MAK: variants seen among roughly 807,000 people sequenced by gnomAD.
MAK encodes male germ cell associated kinase.
Under a neutral mutation model 82.6 loss-of-function variants are expected in MAK, and 65 were observed. The ratio of observed to expected loss-of-function variants is 0.79; its 90% confidence interval spans 0.64 to 0.97. The LOEUF is 0.97. Ranked by LOEUF, MAK falls within the 50% of genes least tolerant of loss-of-function variation. The pLI, the probability that MAK is intolerant of heterozygous loss-of-function variation, is 0.00. For missense variants in MAK, 703 were observed against 780.2 expected (o/e 0.90, Z 1.18); for synonymous variants, 250 against 274.2 (o/e 0.91, Z 0.87).
At chr6:10,811,374 C>T (rs951855282) in intron 5 of MAK, among the ~76,000 whole-genome samples, 5 of 152,266 alleles carry the variant, frequency 3.3e-5, no homozygotes, top group South Asian at 2.1e-4. Context: ...ATGTGGCTTT[C>T]GTAAAAACGT....
chr6:10,775,176 G>T, intron 12 of MAK, 152 bp downstream of exon 12: 1 of 824,628 alleles, frequency 1.2e-6, no homozygotes, highest in Non-Finnish European at 2.0e-6. Context: ...CTCCAGCAGA[G>T]CAGGGCTACC....
At chr6:10,775,989 A>G (rs1296025221) in intron 11 of MAK, among the ~76,000 whole-genome samples, 1 of 152,070 alleles carries the variant, frequency 6.6e-6, no homozygotes, top group Non-Finnish European at 1.5e-5. Context: ...GGATTTCACC[A>G]TGTTGGCCAG....
chr6:10,836,615 T>C (rs1268602486), intron 1 of MAK, among the ~76,000 whole-genome samples: 3 of 152,210 alleles, frequency 2.0e-5, no homozygotes, highest in East Asian at 1.9e-4. Flanking sequence ...CGCACAATAA[T>C]ATTTCTCTAC....
At position 10,796,073 on chromosome 6, in the gene MAK, C is replaced by T; in HGVS notation, c.1068G>A (p.Gln356=). The change falls in exon 9 of 15, where the codon CAG becomes CAA. Residue 356 remains glutamine (Q), a synonymous_variant. Transcript: ENST00000354489. The part of the protein sequence containing the change: ...PIQPPQNLSV[Q]QPPKQQSQEK... Reference sequence around the variant, plus strand: ...CCTGACTCTGTTGCTTTGGAGGTTGCTGGACGCTCAGGTTCTGTGGCGGCT... The same window carrying T: ...CCTGACTCTGTTGCTTTGGAGGTTGTTGGACGCTCAGGTTCTGTGGCGGCT... The T allele has an allele frequency of 6.2e-7, 1 of 1,614,104 alleles. No individual in the cohort carries two copies. Among genetic ancestry groups the T allele is most frequent in the Non-Finnish European group, 8.5e-7 (1 of 1,180,014 alleles).
chr6:10,803,594 A>G, intron 7 of MAK, 126 bp downstream of exon 7: 1 of 755,206 alleles, frequency 1.3e-6, no homozygotes, highest in Non-Finnish European at 2.2e-6. Context: ...GTATGAGCCT[A>G]TTTCAAAATG....
chr6:10,770,547 C>A (rs1772908707), intron 13 of MAK, among the ~76,000 whole-genome samples: 1 of 152,156 alleles, frequency 6.6e-6, no homozygotes, highest in East Asian at 1.9e-4. Context: ...CAGGCTTTCT[C>A]ACGACCCCAC....
At chr6:10,825,203 AC>A (rs201087261) in intron 2 of MAK, among the ~76,000 whole-genome samples, 2,308 of 152,298 alleles carry the variant, frequency 0.015, 52 homozygotes, top group South Asian at 0.047. Flanking sequence ...ACATTTGAGG[AC>A]AAAAACAATG....
intron 4 of MAK, among the ~76,000 whole-genome samples, chr6:10,815,757 T>C (rs1581744103): frequency 6.6e-6 from 1 of 151,836 alleles, no homozygotes; most frequent in East Asian, 1.9e-4. Context: ...CCATCAAGCT[T>C]GGAGTAAAAA....
intron 6 of MAK, among the ~76,000 whole-genome samples, chr6:10,808,046 C>G (rs1389174238): frequency 1.3e-5 from 2 of 151,622 alleles, no homozygotes; most frequent in Non-Finnish European, 2.9e-5. Context: ...CCAGCCTGGG[C>G]GAGAGAGCGA....
intron 12 of MAK, among the ~76,000 whole-genome samples, chr6:10,774,748 C>T (rs1773325161): frequency 6.6e-6 from 1 of 152,198 alleles, no homozygotes; most frequent in Non-Finnish European, 1.5e-5. Context: ...ATCAAAGTTA[C>T]TTACTTTCTC....
At chr6:10,830,470 G>A (rs1778731478) in intron 2 of MAK, 78 bp downstream of exon 2, 1 of 1,210,556 alleles carries the variant, frequency 8.3e-7, no homozygotes, top group Non-Finnish European at 1.2e-6. Context: ...GCCTGTGCTG[G>A]TATATATTCT....
At chr6:10,814,303 C>T (rs1777291460) in intron 4 of MAK, among the ~76,000 whole-genome samples, 2 of 152,028 alleles carry the variant, frequency 1.3e-5, no homozygotes, top group Non-Finnish European at 2.9e-5. Context: ...CCAAGAAGAG[C>T]AAAGCAAGTT....
chr6:10,789,531 A>G (rs891176495), intron 10 of MAK, among the ~76,000 whole-genome samples: 3 of 152,258 alleles, frequency 2.0e-5, no homozygotes, highest in African/African-American at 4.8e-5. Flanking sequence ...ATGTATGTGC[A>G]TAGATACCTA....
chr6:10,836,512 T>C (rs1779158113), intron 1 of MAK, among the ~76,000 whole-genome samples: 1 of 152,198 alleles, frequency 6.6e-6, no homozygotes, highest in Non-Finnish European at 1.5e-5. Context: ...CATAAGCAAC[T>C]ACTTTTATCA....
chr6:10,820,785 A>G (rs1485518003), intron 2 of MAK, among the ~76,000 whole-genome samples: 1 of 152,232 alleles, frequency 6.6e-6, no homozygotes, highest in Non-Finnish European at 1.5e-5. Context: ...TCAGTGCCAT[A>G]GATTTATAAA....
Position 10,818,952 on chromosome 6 carries a change from T to A in MAK, c.102-12A>T, listed in dbSNP as rs1416495166. On this transcript the variant is annotated splice_polypyrimidine_tract_variant and intron_variant, in intron 2 of 14. Transcript: ENST00000354489. ...ACTTTCTCTTCATCCTAAAATAAAT[T>A]AGGGAAAGTTTAGTGTTCAGGGATT... is the stretch of plus-strand genomic sequence containing the variant. 1 of 1,503,542 alleles carries A rather than the reference T, an allele frequency of 6.7e-7. No homozygotes were observed. The highest frequency in any genetic ancestry group is 9.2e-7 in the Non-Finnish European group (1 of 1,081,728). 93.1% of individuals were successfully genotyped at this position (1,503,542 alleles called of 1,614,324 possible). A position where few individuals can be genotyped will look rare whatever the true frequency, so the allele number is the denominator to read the frequency against.
chr6:10,784,364 ACT>A (rs2127532535), intron 11 of MAK, 58 bp downstream of exon 11: 1 of 1,582,380 alleles, frequency 6.3e-7, no homozygotes, highest in Non-Finnish European at 8.7e-7. Flanking sequence ...ATTCCAAGAC[ACT>A]TGAACCTGAC....
chr6:10,769,981 A>T (rs142950715), intron 14 of MAK, 130 bp downstream of exon 14: 2 of 1,552,548 alleles, frequency 1.3e-6, no homozygotes, highest in Non-Finnish European at 1.7e-6. Flanking sequence ...GGTAAAAACA[A>T]AAAGAAATGC....
intron 2 of MAK, among the ~76,000 whole-genome samples, chr6:10,827,467 A>G (rs1778467532): frequency 6.6e-6 from 1 of 152,200 alleles, no homozygotes; most frequent in African/African-American, 2.4e-5. Flanking sequence ...TTTCTGTCTT[A>G]TAGCAGTAGT....
Sources: allele counts gnomAD v4.1 joint callset (sites outside exome capture counted in the v4.1 genomes callset), GRCh38; gene constraint gnomAD v4.1.1; transcripts MANE v1.5; gene names NCBI Gene and HGNC (gene_info 2026-07-23, HGNC 2026-07-21).